The following LTBP3 variants were observed in gnomAD, a reference collection of about 807,000 sequenced individuals.
LTBP3 encodes the protein latent transforming growth factor beta binding protein 3, also known as latent-transforming growth factor beta-binding protein 3.
In LTBP3, 97 loss-of-function variants were observed where a neutral mutation model predicts 159.7. The ratio of observed to expected loss-of-function variants is 0.61; its 90% CI spans 0.52 to 0.72. LTBP3 has a LOEUF of 0.72. Among genes scored for constraint, LTBP3 ranks in the 30% least tolerant of loss-of-function variants. The pLI is 0.00. For missense variants in LTBP3, 1,584 were observed against 1,864.3 expected, an observed-to-expected ratio of 0.85 and a Z score of 2.77; for synonymous variants, 824 against 777.1, an observed-to-expected ratio of 1.06 and a Z score of -1.00.
intron 8 of LTBP3, 104 bp downstream of exon 8, chr11:65,551,868 G>C: frequency 1.5e-6 from 2 of 1,336,330 alleles, no homozygotes; most frequent in Non-Finnish European, 2.1e-6. Context: ...TCAGGGATAA[G>C]GAATTGGGGG....
At position 65,541,297 on chromosome 11, in the gene LTBP3, AG is replaced by A; in HGVS notation, c.2726-5del. On this transcript the variant is annotated splice_polypyrimidine_tract_variant and splice_region_variant and intron_variant, in intron 19 of 27. Coordinates refer to ENST00000301873, the MANE Select transcript of LTBP3 (RefSeq NM_001130144.3). ...TTGTGGTGGGGCTGCTCCACCTCTGAGGGGCAGACGGCAGCTCAGGGTTGTG... is the reference window on the plus strand; with the variant it reads ...TTGTGGTGGGGCTGCTCCACCTCTGAGGGCAGACGGCAGCTCAGGGTTGTG... 6.2e-7 allele frequency: 1 copy of A among 1,609,706 alleles called. No homozygotes were observed.
chr11:65,543,039 C>A (rs1436192642), intron 18 of LTBP3, 66 bp downstream of exon 18: 1 of 1,593,260 alleles, frequency 6.3e-7, no homozygotes, highest in South Asian at 1.1e-5. Context: ...AGAAAGGCCA[C>A]AGTGTGTCTA....
Position 65,538,666 on chromosome 11 carries a change from C to A in LTBP3, c.*414G>T. Reference sequence around the variant, plus strand: ...CGGCCGGCCCAGCCAGGCCATCTCACGTGTACATAATCAGAGCCACAATAA... The same window carrying A: ...CGGCCGGCCCAGCCAGGCCATCTCAAGTGTACATAATCAGAGCCACAATAA... On this transcript the variant is annotated 3_prime_UTR_variant, in exon 28 of 28. Coordinates refer to ENST00000301873, the MANE Select transcript of LTBP3 (RefSeq NM_001130144.3). The A allele has an allele frequency of 4.4e-6, 6 of 1,354,918 alleles. No homozygotes were observed. The highest frequency in any genetic ancestry group is 6.0e-6 in the Non-Finnish European group (6 of 1,004,490). 83.9% of individuals were successfully genotyped at this position (1,354,918 alleles called of 1,614,324 possible). A position where few individuals can be genotyped will look rare whatever the true frequency, so the allele number is the denominator to read the frequency against.
chr11:65,541,448 T>C, intron 19 of LTBP3, 152 bp downstream of exon 19: 10 of 1,431,216 alleles, frequency 7.0e-6, no homozygotes, highest in Non-Finnish European at 9.7e-6. Context: ...TTCTGGACCC[T>C]TCATCGTCTG....
At chr11:65,551,262 G>T in intron 10 of LTBP3, 38 bp from the exon 11 acceptor site, 1 of 1,530,266 alleles carries the variant, frequency 6.5e-7, no homozygotes, top group South Asian at 1.2e-5. Context: ...AGACGATATT[G>T]ACTGAAGCCT....
Position 65,553,553 on chromosome 11 carries a change from G to A in LTBP3, c.865-23C>T. On this transcript the variant is annotated intron_variant, in intron 3 of 27. Transcript: ENST00000301873. This position sits in a 1 kb window ranked among gnomAD's most constrained non-coding sequence, Gnocchi z 6.5. ...ACACTAGGGGAAGGAGGGGGAGGTGGGGTCACAGAGCACCCCGCCCCGGTG... is the reference window on the plus strand; with the variant it reads ...ACACTAGGGGAAGGAGGGGGAGGTGAGGTCACAGAGCACCCCGCCCCGGTG... 1.3e-6 allele frequency: 2 copies of A among 1,515,426 alleles called. No individual in the cohort carries two copies. Among genetic ancestry groups the A allele is most frequent in the Non-Finnish European group, 1.8e-6 (2 of 1,094,258 alleles). 93.9% of individuals were successfully genotyped at this position (1,515,426 alleles called of 1,614,324 possible). A position where few individuals can be genotyped will look rare whatever the true frequency, so the allele number is the denominator to read the frequency against.
Position 65,551,956 on chromosome 11 carries a change from A to AG in LTBP3, c.1531+15dup, listed in dbSNP as rs539958151. On this transcript the variant is annotated intron_variant, in intron 8 of 27. Transcript: ENST00000301873. ...GGCTTGGCATGGGTCAGGGATCAGA[A>AG]GGGGTCAGGCTAGACCTCTCTCTTC... 447 of 1,613,496 alleles carry AG rather than the reference A, an allele frequency of 2.8e-4. 2 individuals carry two copies. In the South Asian group the frequency reaches 4.8e-3, roughly 17 times the overall value.
rs765403928 is a variant in LTBP3 at position 65,553,192 on chromosome 11, G to A, written c.1035C>T (p.Tyr345=). Residue 345 remains tyrosine (Y), a synonymous_variant, in exon 5 of 28, where the codon TAC becomes TAT. Transcript: ENST00000301873. This position sits in a 1 kb window ranked among gnomAD's most constrained non-coding sequence, Gnocchi z 6.5. ...GEVGADCPQG[Y]KRLNSTHCQD... The stretch of plus-strand genomic sequence containing the variant: ...GGCAGTGGGTGCTGTTAAGCCTCTT[G>A]TAGCCCTGGGGACAGTCAGCGCCCA... 5.6e-6 allele frequency: 9 copies of A among 1,614,036 alleles called. No individual in the cohort carries two copies. In the Admixed American group the frequency reaches 6.7e-5, roughly 12 times the overall value.
At position 65,558,338 on chromosome 11, in the gene LTBP3, CG is replaced by C; in HGVS notation, c.-380del. On this transcript the variant is annotated 5_prime_UTR_variant, in exon 1 of 28. Transcript: ENST00000301873. ...CGGCCGCGGGGAGGCAGGGAGCGCGCGGGGAGGGCTCAGGGAGAAGTGAGCA... is the reference window on the plus strand; with the variant it reads ...CGGCCGCGGGGAGGCAGGGAGCGCGCGGGAGGGCTCAGGGAGAAGTGAGCA... The C allele has an allele frequency of 3.2e-6, 1 of 314,030 alleles. No homozygotes were observed. The highest frequency in any genetic ancestry group is 1.3e-4 in the South Asian group (1 of 7,958). The allele number at this position is 314,030 out of a possible 1,614,324, so 19.5% of individuals were successfully genotyped here. A position where few individuals can be genotyped will look rare whatever the true frequency, so the allele number is the denominator to read the frequency against.
At chr11:65,550,017 C>T (rs1856542039) in intron 11 of LTBP3, among the ~76,000 whole-genome samples, 1 of 147,944 alleles carries the variant, frequency 6.8e-6, no homozygotes, top group African/African-American at 2.4e-5. Flanking sequence ...AGGGATATTG[C>T]ATGAACAAAA....
In LTBP3 at chr11:65,552,434, A is replaced by C. The variant is rs566130651; in HGVS notation, c.1187-28T>G. On this transcript the variant is annotated intron_variant, in intron 6 of 27. Coordinates refer to ENST00000301873, the MANE Select transcript of LTBP3 (RefSeq NM_001130144.3). The surrounding 1 kb of genome is among the most constrained non-coding windows in gnomAD (Gnocchi z 6.0). ...GCAGGGGCCAGTGGGGGGCATGGGC[A>C]TCTGAGCCTGCACATTGCCCACGTC... 6.8e-5 allele frequency: 109 copies of C among 1,609,756 alleles called. No homozygotes were observed. In the South Asian group the frequency reaches 1.1e-3, roughly 16 times the overall value.
rs888257780 is a variant in LTBP3 at position 65,538,925 on chromosome 11, C to G, written c.*155G>C. ...ACCGCCCGCTAACCGGGGAGGGGGG[C>G]CGGTAGGGGCGCCTCGGGTCTCAAG... On this transcript the variant is annotated 3_prime_UTR_variant, in exon 28 of 28. Transcript: ENST00000301873. 7 of 1,283,792 alleles carry G rather than the reference C, an allele frequency of 5.5e-6. No homozygotes were observed. In the Admixed American group the frequency reaches 1.9e-4, roughly 35 times the overall value. 79.5% of individuals were successfully genotyped at this position (1,283,792 alleles called of 1,614,324 possible). A position where few individuals can be genotyped will look rare whatever the true frequency, so the allele number is the denominator to read the frequency against.
In LTBP3 at chr11:65,540,164, C is replaced by A; in HGVS notation, c.3245-11G>T. The A allele has an allele frequency of 1.3e-6, 2 of 1,533,344 alleles. No homozygotes were observed. Among genetic ancestry groups the A allele is most frequent in the South Asian group, 2.4e-5 (2 of 83,628 alleles). The allele number at this position is 1,533,344 out of a possible 1,614,324, so 95.0% of individuals were successfully genotyped here. On this transcript the variant is annotated splice_polypyrimidine_tract_variant and intron_variant, in intron 23 of 27. Transcript: ENST00000301873. ...GGCACTCGTCCACGTCTACGAACAGCGAGGGGGTGGGTGGGGGCCGTCACA... is the reference window on the plus strand; with the variant it reads ...GGCACTCGTCCACGTCTACGAACAGAGAGGGGGTGGGTGGGGGCCGTCACA...
At position 65,539,896 on chromosome 11, in the gene LTBP3, T is replaced by C. The variant is rs1477848687; in HGVS notation, c.3386-15A>G. ...CGGGGCACGCTCTGCGGAAGACACCTGGCATCAGGGGAGGGGCCCAAGGCA... is the reference window on the plus strand; with the variant it reads ...CGGGGCACGCTCTGCGGAAGACACCCGGCATCAGGGGAGGGGCCCAAGGCA... On this transcript the variant is annotated splice_polypyrimidine_tract_variant and intron_variant, in intron 24 of 27. Coordinates refer to ENST00000301873, the MANE Select transcript of LTBP3 (RefSeq NM_001130144.3). 2.0e-6 allele frequency: 3 copies of C among 1,506,346 alleles called. No homozygotes were observed. The Admixed American group carries it at 6.4e-5, about 32-fold the overall frequency. 93.3% of individuals were successfully genotyped at this position (1,506,346 alleles called of 1,614,324 possible).
At chr11:65,540,991 A>G (rs1856108591) in intron 20 of LTBP3, 37 bp from the exon 21 acceptor site, 1 of 1,601,768 alleles carries the variant, frequency 6.2e-7, no homozygotes, top group Non-Finnish European at 8.5e-7. Context: ...GGGAAGAGGC[A>G]GGACTGAGCG....
chr11:65,545,825 G>A (rs1205170610), intron 16 of LTBP3: 2 of 188,882 alleles, frequency 1.1e-5, no homozygotes, highest in African/African-American at 4.7e-5. Context: ...GCCCTCCAAG[G>A]GATGGGGACC....
chr11:65,552,496 CCA>C lies in LTBP3; in HGVS notation c.1187-92_1187-91del. The C allele has an allele frequency of 6.6e-7, 1 of 1,511,720 alleles. No individual in the cohort carries two copies. The highest frequency in any genetic ancestry group is 9.0e-7 in the Non-Finnish European group (1 of 1,110,202). 93.6% of individuals were successfully genotyped at this position (1,511,720 alleles called of 1,614,324 possible). On this transcript the variant is annotated intron_variant, in intron 6 of 27. Coordinates refer to ENST00000301873, the MANE Select transcript of LTBP3 (RefSeq NM_001130144.3). This position sits in a 1 kb window ranked among gnomAD's most constrained non-coding sequence, Gnocchi z 6.0. ...CTGCTGCAGACCTTGCCTCTCCGGCCCAGACAACCCTTGATCCCCCATGTGGT... is the reference window on the plus strand; with the variant it reads ...CTGCTGCAGACCTTGCCTCTCCGGCCGACAACCCTTGATCCCCCATGTGGT...
rs1376054747 is a variant in LTBP3 at position 65,540,150 on chromosome 11, A to T, written c.3248T>A (p.Val1083Glu). 2.0e-6 allele frequency: 3 copies of T among 1,530,128 alleles called. No homozygotes were observed. Among genetic ancestry groups the T allele is most frequent in the Non-Finnish European group, 2.6e-6 (3 of 1,140,906 alleles). The allele number at this position is 1,530,128 out of a possible 1,614,324, so 94.8% of individuals were successfully genotyped here. The change falls in exon 24 of 28, where the codon GTG (valine) becomes GAG (glutamate). Residue 1083 changes from valine (V) to glutamate (E), a missense_variant. Around this residue, in one of 6 missense-constraint regions of LTBP3, gnomAD observed 514 missense variants for 530.3 expected, o/e 0.97. Coordinates refer to ENST00000301873, the MANE Select transcript of LTBP3 (RefSeq NM_001130144.3). The stretch of plus-strand genomic sequence containing the variant: ...GGCTGCCGGGTCCTGGCACTCGTCC[A>T]CGTCTACGAACAGCGAGGGGGTGGG... ...RQCLSPEEMD[V>E]DECQDPAACR...
chr11:65,540,435 G>A lies in LTBP3; in HGVS notation c.3106+51C>T, dbSNP rs1163078678. 3.1e-6 allele frequency: 5 copies of A among 1,609,764 alleles called. No individual in the cohort carries two copies. The South Asian group carries it at 4.4e-5, about 14-fold the overall frequency. ...GGGGCAGGCCCGGGATGGGCGCGGT[G>A]GCGCGTGTCTCCCTGCCGCTTCCCC... is the stretch of plus-strand genomic sequence containing the variant. On this transcript the variant is annotated intron_variant, in intron 22 of 27. Coordinates refer to ENST00000301873, the MANE Select transcript of LTBP3 (RefSeq NM_001130144.3).
Sources: allele counts gnomAD v4.1 joint callset (sites outside exome capture counted in the v4.1 genomes callset), GRCh38; gene constraint gnomAD v4.1.1; regional missense constraint gnomAD v4.1.1; non-coding constraint Gnocchi (gnomAD v3.1); transcripts MANE v1.5; gene names NCBI Gene and HGNC (gene_info 2026-07-23, HGNC 2026-07-21).